CTDSPL2: variants seen among roughly 807,000 people sequenced by gnomAD.
CTDSPL2 encodes the protein CTD small phosphatase like 2.
CTDSPL2 carries 5 observed loss-of-function variants against 60.0 expected under a neutral mutation model. The observed-to-expected ratio is 0.08, with a 90% CI of 0.04 to 0.18. The LOEUF is 0.18. Among genes scored for constraint, CTDSPL2 ranks in the 10% least tolerant of loss-of-function variants. CTDSPL2 has a pLI of 1.00. For missense variants in CTDSPL2, 370 were observed against 548.8 expected (o/e 0.67, Z 3.26); for synonymous variants, 186 against 189.3 (o/e 0.98, Z 0.14).
chr15:44,497,008 C>T lies in CTDSPL2; in HGVS notation c.771-19C>T, dbSNP rs1341119497. On this transcript the variant is annotated intron_variant, in intron 6 of 12. Coordinates refer to ENST00000260327, the MANE Select transcript of CTDSPL2 (RefSeq NM_016396.3). ...ATAAAAAGTAAAATGTTGAAATTTT[C>T]TTAAAATCTGATTTATAGCTATTAT... The T allele has an allele frequency of 6.9e-7, 1 of 1,450,064 alleles. No individual in the cohort carries two copies. Among genetic ancestry groups the T allele is most frequent in the African/African-American group, 1.4e-5 (1 of 70,982 alleles). The allele number at this position is 1,450,064 out of a possible 1,614,324, so 89.8% of individuals were successfully genotyped here. A position where few individuals can be genotyped will look rare whatever the true frequency, so the allele number is the denominator to read the frequency against.
At chr15:44,498,567 C>G (rs950591548) in intron 7 of CTDSPL2, among the ~76,000 whole-genome samples, 1 of 151,710 alleles carries the variant, frequency 6.6e-6, no homozygotes, top group Non-Finnish European at 1.5e-5. Context: ...GCCTGGGCAA[C>G]AAAGTGAGAT....
intron 1 of CTDSPL2, among the ~76,000 whole-genome samples, chr15:44,433,090 G>A (rs1183254761): frequency 1.3e-5 from 2 of 151,778 alleles, no homozygotes; most frequent in Admixed American, 1.3e-4. Flanking sequence ...TGAGGCAGGC[G>A]GATCCCCTGA....
chr15:44,518,933 A>T (rs138180994), intron 10 of CTDSPL2: 734 of 274,078 alleles, frequency 2.7e-3, no homozygotes, highest in Admixed American at 5.2e-3. Flanking sequence ...ACATTTTGGG[A>T]TAAACTCAAG....
chr15:44,519,308 T>G lies in CTDSPL2; in HGVS notation c.1239+13T>G. ...CTTTGCATATCAGGTAGGAAGAAAG[T>G]TGATAAACAAACTCAGATTGGAAAA... On this transcript the variant is annotated intron_variant, in intron 11 of 12. Transcript: ENST00000260327. 1 of 1,541,596 alleles carries G rather than the reference T, an allele frequency of 6.5e-7. No individual in the cohort carries two copies.
intron 1 of CTDSPL2, among the ~76,000 whole-genome samples, chr15:44,428,293 A>G (rs2079788545): frequency 6.6e-6 from 1 of 152,144 alleles, no homozygotes; most frequent in Non-Finnish European, 1.5e-5. Context: ...TCGAGTTGAC[A>G]TTGTTACTTT....
chr15:44,443,913 T>G (rs2080146145), intron 1 of CTDSPL2, among the ~76,000 whole-genome samples: 1 of 152,134 alleles, frequency 6.6e-6, no homozygotes, highest in African/African-American at 2.4e-5. Flanking sequence ...AAAAACAAAA[T>G]TTTTTAAGAG....
At chr15:44,442,607 T>C (rs140506070) in intron 1 of CTDSPL2, among the ~76,000 whole-genome samples, 2 of 152,276 alleles carry the variant, frequency 1.3e-5, no homozygotes, top group African/African-American at 4.8e-5. Context: ...AGGCAAATTT[T>C]ACTTGGTCCC....
chr15:44,501,633 A>G (rs981393252), intron 8 of CTDSPL2, among the ~76,000 whole-genome samples: 1 of 152,106 alleles, frequency 6.6e-6, no homozygotes, highest in Admixed American at 6.5e-5. Flanking sequence ...TTTCTTATGT[A>G]TTCTGAGTTA....
chr15:44,438,282 T>C (rs879930479), intron 1 of CTDSPL2, among the ~76,000 whole-genome samples: 1 of 146,300 alleles, frequency 6.8e-6, no homozygotes, highest in Non-Finnish European at 1.5e-5. Context: ...AAAAAAAGAA[T>C]GTGGCAGCAA....
intron 2 of CTDSPL2, among the ~76,000 whole-genome samples, chr15:44,471,659 CATTT>C (rs753716026): frequency 4.6e-5 from 7 of 152,208 alleles, no homozygotes; most frequent in South Asian, 2.1e-4. Context: ...TTCATTCATT[CATTT>C]AAAGTATAAA....
rs1169120648 is a variant in CTDSPL2 at position 44,484,353 on chromosome 15, G to C, written c.316G>C (p.Val106Leu). Reference protein sequence around the residue: ...QISRVRRKSQVNGEAGSYEMT... With the variant: ...QISRVRRKSQLNGEAGSYEMT... The stretch of plus-strand genomic sequence containing the variant: ...ATCTCGAGTAAGACGGAAAAGTCAA[G>C]TAAATGGAGGTTTGTTAATATTTAG... The change falls in exon 3 of 13, where the codon GTA becomes CTA. Residue 106 changes from valine to leucine, a missense_variant. Coordinates refer to ENST00000260327, the MANE Select transcript of CTDSPL2 (RefSeq NM_016396.3). 5 of 1,613,068 alleles carry C rather than the reference G, an allele frequency of 3.1e-6. No homozygotes were observed. The highest frequency in any genetic ancestry group is 2.5e-6 in the Non-Finnish European group (3 of 1,179,420).
At chr15:44,513,640 A>G (rs918926610) in intron 8 of CTDSPL2, among the ~76,000 whole-genome samples, 2 of 152,196 alleles carry the variant, frequency 1.3e-5, no homozygotes, top group African/African-American at 2.4e-5. Flanking sequence ...TGCTACCACA[A>G]GGTGTTTGGT....
intron 1 of CTDSPL2, among the ~76,000 whole-genome samples, chr15:44,441,757 G>T (rs1474839124): frequency 1.3e-5 from 2 of 151,954 alleles, no homozygotes; most frequent in Admixed American, 1.3e-4. Context: ...ATGTTTTTTT[G>T]TTGTTAGGCT....
chr15:44,490,440 T>C (rs1438076484), intron 4 of CTDSPL2, among the ~76,000 whole-genome samples: 1 of 152,156 alleles, frequency 6.6e-6, no homozygotes, highest in Non-Finnish European at 1.5e-5. Context: ...CCAGTCTTTG[T>C]TATTGAGATG....
intron 1 of CTDSPL2, among the ~76,000 whole-genome samples, chr15:44,450,589 A>ATTTTTTTTT (rs36016079): frequency 4.7e-4 from 42 of 88,696 alleles, no homozygotes; most frequent in African/African-American, 5.2e-4. Flanking sequence ...TATATTCTTA[A>ATTTTTTTTT]TTTTTTTTTT....
rs1402482754 is a variant in CTDSPL2 at position 44,490,775 on chromosome 15, T to C, written c.476-9T>C. ...TAAATGATGATAGTACACTGAATCA[T>C]GATTTCAGGAACGTCAGGATCAGAT... is the stretch of plus-strand genomic sequence containing the variant. On this transcript the variant is annotated splice_polypyrimidine_tract_variant and intron_variant, in intron 4 of 12. Transcript: ENST00000260327. 1.2e-6 allele frequency: 2 copies of C among 1,609,920 alleles called. No homozygotes were observed. The highest frequency in any genetic ancestry group is 1.7e-5 in the Admixed American group (1 of 60,000).
chr15:44,466,612 A>C (rs1037568451), intron 2 of CTDSPL2, among the ~76,000 whole-genome samples: 2 of 152,164 alleles, frequency 1.3e-5, no homozygotes, highest in African/African-American at 4.8e-5. Flanking sequence ...TATGTGGTAT[A>C]GCTTTTTGCT....
At chr15:44,437,145 G>T (rs949726224) in intron 1 of CTDSPL2, among the ~76,000 whole-genome samples, 1 of 152,118 alleles carries the variant, frequency 6.6e-6, no homozygotes, top group African/African-American at 2.4e-5. Flanking sequence ...ATGTATGTTG[G>T]TGCTCAAAAA....
At chr15:44,431,752 C>G (rs1359014979) in intron 1 of CTDSPL2, among the ~76,000 whole-genome samples, 2 of 140,696 alleles carry the variant, frequency 1.4e-5, no homozygotes, top group African/African-American at 5.3e-5. Context: ...GAGTTTCGCT[C>G]TTGTTCCCCA....
Sources: allele counts gnomAD v4.1 joint callset (sites outside exome capture counted in the v4.1 genomes callset), GRCh38; gene constraint gnomAD v4.1.1; transcripts MANE v1.5; gene names NCBI Gene and HGNC (gene_info 2026-07-23, HGNC 2026-07-21).